Variants in CTNND2 observed in about 807,000 individuals in gnomAD.
CTNND2 encodes the protein catenin delta-2.
CTNND2 carries 22 observed loss-of-function variants against 144.4 expected under a neutral mutation model. That is an observed-to-expected ratio of 0.15 (90% CI 0.11 to 0.22). CTNND2 has a LOEUF of 0.22. Ranked by LOEUF, CTNND2 falls within the 10% of genes least tolerant of loss-of-function variation. The probability of loss-of-function intolerance (pLI) is 1.00; values close to 1 mark genes in which losing one functional copy is unlikely to be tolerated. For synonymous variants in CTNND2, 751 were observed against 695.6 expected, an observed-to-expected ratio of 1.08 and a Z score of -1.25; for missense variants, 1,353 against 1,618.8, an observed-to-expected ratio of 0.84 and a Z score of 2.82.
At chr5:11,035,118 C>T (rs888700324) in intron 16 of CTNND2, among the ~76,000 whole-genome samples, 15 of 147,510 alleles carry the variant, frequency 1.0e-4, no homozygotes, top group East Asian at 2.0e-4. Flanking sequence ...TGAGAATATG[C>T]GGTGTTTGGT....
chr5:11,795,400 C>T (rs924896211), intron 1 of CTNND2, among the ~76,000 whole-genome samples: 1 of 152,182 alleles, frequency 6.6e-6, no homozygotes, highest in Non-Finnish European at 1.5e-5. Context: ...GTTTATCCTA[C>T]AGGTAATGAG....
intron 14 of CTNND2, among the ~76,000 whole-genome samples, chr5:11,110,532 A>G (rs186090258): frequency 7.9e-4 from 120 of 152,254 alleles, no homozygotes; most frequent in African/African-American, 2.5e-3. Context: ...GATGGCATCA[A>G]ATCCAGCTCC....
At chr5:11,165,377 T>A (rs554554102) in intron 11 of CTNND2, among the ~76,000 whole-genome samples, 35 of 152,294 alleles carry the variant, frequency 2.3e-4, no homozygotes, top group African/African-American at 7.7e-4. Flanking sequence ...GAGGAAAAAC[T>A]ATAAAACTGA....
At chr5:11,761,376 C>T (rs1344711508) in intron 1 of CTNND2, among the ~76,000 whole-genome samples, 2 of 152,124 alleles carry the variant, frequency 1.3e-5, no homozygotes, top group African/African-American at 2.4e-5. Flanking sequence ...AAAAGTCTCT[C>T]AATTTGCTAT....
intron 2 of CTNND2, among the ~76,000 whole-genome samples, chr5:11,687,863 G>A (rs1474973299): frequency 6.6e-6 from 1 of 152,138 alleles, no homozygotes; most frequent in African/African-American, 2.4e-5. Flanking sequence ...ATGGGAAAGT[G>A]GCATTGGACC....
rs545845855 is a variant in CTNND2 at position 11,554,197 on chromosome 5, T to C, written c.287+10747A>G. On this transcript the variant is annotated intron_variant, in intron 3 of 21. Coordinates refer to ENST00000304623, the MANE Select transcript of CTNND2 (RefSeq NM_001332.4). ...TAATTATACTAATGATAACATAAACTCTTAAGCTTTTAATTTGCATAAAAA... is the reference window on the plus strand; with the variant it reads ...TAATTATACTAATGATAACATAAACCCTTAAGCTTTTAATTTGCATAAAAA... Among the ~76,000 whole-genome samples the C allele has an allele frequency of 3.9e-5, 6 of 152,304 alleles. No homozygotes were observed. In the South Asian group the frequency reaches 8.3e-4, roughly 21 times the overall value.
At chr5:11,714,964 C>T (rs145879115) in intron 2 of CTNND2, among the ~76,000 whole-genome samples, 3 of 151,008 alleles carry the variant, frequency 2.0e-5, no homozygotes, top group East Asian at 1.9e-4. Context: ...TGAAAATGTA[C>T]GTGTATTGCG....
chr5:11,383,077 C>T (rs1178892175), intron 7 of CTNND2, among the ~76,000 whole-genome samples: 2 of 152,140 alleles, frequency 1.3e-5, no homozygotes, highest in Non-Finnish European at 2.9e-5. Context: ...GCCACACTCT[C>T]GATTGCTACT....
At chr5:11,386,440 T>C (rs950913152) in intron 6 of CTNND2, among the ~76,000 whole-genome samples, 2 of 152,202 alleles carry the variant, frequency 1.3e-5, no homozygotes, top group African/African-American at 2.4e-5. Flanking sequence ...TGGCAAATAA[T>C]AGACTGGGCA....
At chr5:11,426,317 T>C (rs559754561) in intron 3 of CTNND2, among the ~76,000 whole-genome samples, 2 of 152,332 alleles carry the variant, frequency 1.3e-5, no homozygotes, top group East Asian at 1.9e-4. Context: ...AGTCTACACA[T>C]ATGTGCTCAG....
intron 3 of CTNND2, among the ~76,000 whole-genome samples, chr5:11,556,243 G>A (rs551188589): frequency 6.6e-5 from 10 of 152,182 alleles, no homozygotes; most frequent in Admixed American, 4.6e-4. Context: ...TATGGCTATG[G>A]TTGGTAAACA....
chr5:11,199,319 AAC>A (rs1737187831), intron 11 of CTNND2, 127 bp downstream of exon 11: 2 of 747,638 alleles, frequency 2.7e-6, no homozygotes, highest in Non-Finnish European at 4.3e-6. Context: ...CTCATTTGAA[AAC>A]ACATATTGAG....
chr5:11,695,389 T>C (rs1361928220), intron 2 of CTNND2, among the ~76,000 whole-genome samples: 1 of 152,148 alleles, frequency 6.6e-6, no homozygotes, highest in Non-Finnish European at 1.5e-5. Context: ...CTGTGTGGCT[T>C]GTGTATTGGT....
intron 9 of CTNND2, among the ~76,000 whole-genome samples, chr5:11,273,866 A>G (rs1014437393): frequency 8.5e-5 from 13 of 152,226 alleles, no homozygotes; most frequent in African/African-American, 3.1e-4. Context: ...ATACACAGTA[A>G]GTTTTCCTAA....
At chr5:11,566,098 C>G (rs915649078) in intron 2 of CTNND2, among the ~76,000 whole-genome samples, 5 of 152,130 alleles carry the variant, frequency 3.3e-5, no homozygotes, top group Non-Finnish European at 7.4e-5. Flanking sequence ...CCCCAGGACA[C>G]TCTTGCATGA....
rs914518301 is a variant in CTNND2, at chr5:11,742,129, G to A, written c.38-9857C>T. Among the ~76,000 whole-genome samples the A allele has an allele frequency of 3.9e-5, 6 of 151,964 alleles. No homozygotes were observed. In the East Asian group the frequency reaches 1.2e-3, roughly 29 times the overall value. ...ACTGCTTGGGTGATGGGTGCACCAA[G>A]ATTTCAGAAATCACCACTAAAGAAC... On this transcript the variant is annotated intron_variant, in intron 1 of 21. Coordinates refer to ENST00000304623, the MANE Select transcript of CTNND2 (RefSeq NM_001332.4).
Position 10,971,957 on chromosome 5 carries a change from T to G in CTNND2, c.*1496A>C, listed in dbSNP as rs1346554115. The stretch of plus-strand genomic sequence containing the variant: ...AGTTTACCCGCGGCCCATGTTCTTT[T>G]CGATGGTTAGCCTTATTTCTTAGCT... On this transcript the variant is annotated 3_prime_UTR_variant, in exon 22 of 22. Coordinates refer to ENST00000304623, the MANE Select transcript of CTNND2 (RefSeq NM_001332.4). The G allele has an allele frequency of 6.5e-6, 1 of 152,680 alleles. No homozygotes were observed. Among genetic ancestry groups the G allele is most frequent in the Non-Finnish European group, 1.5e-5 (1 of 68,042 alleles). The allele number at this position is 152,680 out of a possible 1,614,324, so 9.5% of individuals were successfully genotyped here.
chr5:11,088,957 C>T (rs1391515907), intron 15 of CTNND2, among the ~76,000 whole-genome samples: 2 of 152,136 alleles, frequency 1.3e-5, no homozygotes, highest in Non-Finnish European at 2.9e-5. Flanking sequence ...GAGCTGAGCC[C>T]AGCCTATGAG....
In CTNND2 at chr5:11,528,663, T is replaced by C. The variant is rs559354583; in HGVS notation, c.287+36281A>G. Among the ~76,000 whole-genome samples the C allele has an allele frequency of 2.0e-5, 3 of 152,320 alleles. No individual in the cohort carries two copies. In the South Asian group the frequency reaches 6.2e-4, roughly 32 times the overall value. On this transcript the variant is annotated intron_variant, in intron 3 of 21. Coordinates refer to ENST00000304623, the MANE Select transcript of CTNND2 (RefSeq NM_001332.4). Reference sequence around the variant, plus strand: ...GTGCCAAGCCCTGCCCAACCCAATGTAAGCCTGCACCACAGAGTATATGGC... The same window carrying C: ...GTGCCAAGCCCTGCCCAACCCAATGCAAGCCTGCACCACAGAGTATATGGC...
Sources: allele counts gnomAD v4.1 joint callset (sites outside exome capture counted in the v4.1 genomes callset), GRCh38; gene constraint gnomAD v4.1.1; transcripts MANE v1.5; gene names NCBI Gene and HGNC (gene_info 2026-07-23, HGNC 2026-07-21).